The following KIAA1217 variants were observed in gnomAD, a reference collection of about 807,000 sequenced individuals.
KIAA1217 encodes the protein sickle tail protein homolog.
KIAA1217 carries 88 observed loss-of-function variants against 163.9 expected under a neutral mutation model. The observed-to-expected ratio is 0.54, with a 90% confidence interval of 0.45 to 0.64. KIAA1217 has a LOEUF of 0.64. KIAA1217 is among the 30% of genes least tolerant of loss of function. The probability of loss-of-function intolerance (pLI) is 0.00; values close to 1 mark genes in which losing one functional copy is unlikely to be tolerated. For missense variants in KIAA1217, 2,372 were observed against 2,475.0 expected, an observed-to-expected ratio of 0.96 and a Z score of 0.88; for synonymous variants, 903 against 923.1, an observed-to-expected ratio of 0.98 and a Z score of 0.39.
chr10:24,430,496 G>C (rs927695159), intron 3 of KIAA1217, among the ~76,000 whole-genome samples: 2 of 152,110 alleles, frequency 1.3e-5, no homozygotes. Context: ...TGATTCAAAC[G>C]CATTACATTT....
intron 2 of KIAA1217, among the ~76,000 whole-genome samples, chr10:24,125,920 G>T (rs1294237863): frequency 6.6e-6 from 1 of 152,060 alleles, no homozygotes. Context: ...TTGTCTACTT[G>T]TTACCGCTTG....
chr10:24,389,761 T>A (rs948707280), intron 3 of KIAA1217, among the ~76,000 whole-genome samples: 5 of 152,162 alleles, frequency 3.3e-5, no homozygotes, highest in African/African-American at 1.2e-4. Flanking sequence ...GAATATCCAA[T>A]GTGCTGGGTT....
chr10:24,490,106 A>G (rs2065925597), intron 6 of KIAA1217, among the ~76,000 whole-genome samples: 2 of 152,150 alleles, frequency 1.3e-5, no homozygotes, highest in Admixed American at 1.3e-4. Context: ...TTTTATTAAT[A>G]TTATGTTTGG....
intron 2 of KIAA1217, among the ~76,000 whole-genome samples, chr10:24,234,578 G>C (rs2071929961): frequency 7.1e-6 from 1 of 140,942 alleles, no homozygotes; most frequent in South Asian, 2.3e-4. Flanking sequence ...AGAATTGCTT[G>C]AACCCAGGAG....
In KIAA1217 at chr10:23,790,255, G is replaced by GCACATATGCATATACACATATGCATATA. The variant is rs1835733159; in HGVS notation, c.-321+95034_-321+95035insACACATATGCATATACACATATGCATAT. On this transcript the variant is annotated intron_variant, in intron 1 of 18. Coordinates refer to the KIAA1217 transcript ENST00000376462. Reference sequence around the variant, plus strand: ...CATATGCATATGCACATATGCATATGCACATATGCATATGCACATATGCAT... The same window carrying GCACATATGCATATACACATATGCATATA: ...CATATGCATATGCACATATGCATATGCACATATGCATATACACATATGCATATACACATATGCATATGCACATATGCAT... Among the ~76,000 whole-genome samples the GCACATATGCATATACACATATGCATATA allele has an allele frequency of 4.2e-3, 6 of 1,418 alleles. 3 individuals carry two copies. The highest frequency in any genetic ancestry group is 9.2e-3 in the African/African-American group (2 of 218). 0.9% of individuals were successfully genotyped at this position (1,418 alleles called of 152,430 possible).
chr10:24,428,099 T>A (rs1366012234), intron 3 of KIAA1217, among the ~76,000 whole-genome samples: 1 of 152,148 alleles, frequency 6.6e-6, no homozygotes, highest in Non-Finnish European at 1.5e-5. Flanking sequence ...AGCACACGCA[T>A]GTACAGAATG....
intron 1 of KIAA1217, among the ~76,000 whole-genome samples, chr10:23,907,035 G>A (rs116952773): frequency 0.034 from 5,115 of 152,130 alleles, 117 homozygotes; most frequent in Middle Eastern, 0.11. Flanking sequence ...GAAGCTGTCT[G>A]AGGCAGCGTA....
chr10:24,472,995 A>G (rs2063689908), intron 5 of KIAA1217, among the ~76,000 whole-genome samples: 2 of 152,152 alleles, frequency 1.3e-5, no homozygotes, highest in Non-Finnish European at 2.9e-5. Flanking sequence ...CTTCCTCCGC[A>G]TATAAAGACC....
intron 1 of KIAA1217, among the ~76,000 whole-genome samples, chr10:23,815,407 G>T (rs1006979538): frequency 2.0e-5 from 3 of 152,200 alleles, no homozygotes; most frequent in African/African-American, 7.2e-5. Context: ...CACTTTGGGA[G>T]GCCGAGGTGG....
At chr10:23,706,178 TA>T (rs1364770990) in intron 1 of KIAA1217, among the ~76,000 whole-genome samples, 4 of 152,198 alleles carry the variant, frequency 2.6e-5, no homozygotes. Flanking sequence ...GGATTTTCTC[TA>T]TGCATGATCA....
chr10:24,360,610 A>G (rs1473725070), intron 2 of KIAA1217, among the ~76,000 whole-genome samples: 3 of 152,200 alleles, frequency 2.0e-5, no homozygotes, highest in Non-Finnish European at 2.9e-5. Context: ...ACCAAAAGCA[A>G]TCAGTTGACC....
At chr10:24,035,393 A>G (rs915295348) in intron 2 of KIAA1217, among the ~76,000 whole-genome samples, 7 of 152,136 alleles carry the variant, frequency 4.6e-5, no homozygotes, top group Admixed American at 4.6e-4. Flanking sequence ...GTCTTGGGGT[A>G]CCTGATGCCT....
intron 1 of KIAA1217, among the ~76,000 whole-genome samples, chr10:23,743,978 GAAA>G (rs1406394069): frequency 2.0e-5 from 3 of 152,122 alleles, no homozygotes; most frequent in Non-Finnish European, 4.4e-5. Context: ...AAAGACTTCA[GAAA>G]AATGCTAACA....
At chr10:24,017,608 ACCT>A (rs1847543068) in intron 2 of KIAA1217, among the ~76,000 whole-genome samples, 1 of 152,104 alleles carries the variant, frequency 6.6e-6, no homozygotes, top group African/African-American at 2.4e-5. Flanking sequence ...TAAGTGAAAC[ACCT>A]CCTGATACAA....
Position 24,380,930 on chromosome 10 carries a change from A to G in KIAA1217, c.416A>G (p.His139Arg). The G allele has an allele frequency of 6.2e-7, 1 of 1,607,918 alleles. No individual in the cohort carries two copies. Among genetic ancestry groups the G allele is most frequent in the Non-Finnish European group, 8.5e-7 (1 of 1,176,482 alleles). ...CCCAGTCTGGGTGACCCGGTCGAGC[A>G]TTTATCAGAGACGTCCGCTGATTCT... is the stretch of plus-strand genomic sequence containing the variant. ...QPPSLGDPVE[H>R]LSETSADSLE... is the part of the protein sequence containing the mutation. The change falls in exon 3 of 21, where the codon CAT becomes CGT. Residue 139 changes from histidine to arginine, a missense_variant. Transcript: ENST00000376454.
intron 2 of KIAA1217, among the ~76,000 whole-genome samples, chr10:24,099,388 A>C (rs1262845424): frequency 6.6e-6 from 1 of 151,150 alleles, no homozygotes; most frequent in African/African-American, 2.4e-5. Context: ...CCTGTGACCA[A>C]GTGTTCTCAT....
At chr10:23,725,588 G>C (rs1464669915) in intron 1 of KIAA1217, among the ~76,000 whole-genome samples, 1 of 152,144 alleles carries the variant, frequency 6.6e-6, no homozygotes, top group Admixed American at 6.5e-5. Flanking sequence ...CACAGAAAAT[G>C]AGCTACTTGC....
intron 1 of KIAA1217, among the ~76,000 whole-genome samples, chr10:23,784,539 C>T (rs1345874641): frequency 6.6e-6 from 1 of 151,698 alleles, no homozygotes. Flanking sequence ...TCTTTATTTC[C>T]TTTCTTGCTG....
chr10:23,701,797 C>T (rs567102895), intron 1 of KIAA1217, among the ~76,000 whole-genome samples: 7 of 152,232 alleles, frequency 4.6e-5, no homozygotes, highest in African/African-American at 1.4e-4. Context: ...GCAGATATTG[C>T]GTGTACGTGT....
Sources: allele counts gnomAD v4.1 joint callset (sites outside exome capture counted in the v4.1 genomes callset), GRCh38; gene constraint gnomAD v4.1.1; transcripts MANE v1.5; gene names NCBI Gene and HGNC (gene_info 2026-07-23, HGNC 2026-07-21).